DLX1: variants seen among roughly 807,000 people sequenced by gnomAD.
DLX1 encodes homeobox protein DLX-1.
In DLX1, 7 loss-of-function variants were observed where a neutral mutation model predicts 25.0. The observed-to-expected ratio is 0.28, with a 90% CI of 0.16 to 0.52. The LOEUF (loss-of-function observed/expected upper bound fraction) is 0.52, where lower values mean the gene tolerates loss of function less well. Among genes scored for constraint, DLX1 ranks in the 20% least tolerant of loss-of-function variants. The probability of loss-of-function intolerance (pLI) is 0.96; values close to 1 mark genes in which losing one functional copy is unlikely to be tolerated. For missense variants in DLX1, 233 were observed against 334.4 expected (o/e 0.70, Z 2.37); for synonymous variants, 155 against 140.3 (o/e 1.10, Z -0.74).
At position 172,085,553 on chromosome 2, in the gene DLX1, T is replaced by C; in HGVS notation, c.-125T>C. The C allele has an allele frequency of 2.0e-6, 2 of 993,298 alleles. No homozygotes were observed. Among genetic ancestry groups the C allele is most frequent in the South Asian group, 1.6e-5 (1 of 62,348 alleles). The allele number at this position is 993,298 out of a possible 1,614,324, so 61.5% of individuals were successfully genotyped here. On this transcript the variant is annotated 5_prime_UTR_variant, in exon 1 of 3. Transcript: ENST00000361725. The surrounding 1 kb of genome is among the most constrained non-coding windows in gnomAD (Gnocchi z 4.3). Reference sequence around the variant, plus strand: ...TTCAAAGAGACAAACTCCATTTTCTTATGAATGGAAAGTGAAAACCCCTGT... The same window carrying C: ...TTCAAAGAGACAAACTCCATTTTCTCATGAATGGAAAGTGAAAACCCCTGT...
At chr2:172,086,234 C>T in intron 1 of DLX1, 2 of 559,622 alleles carry the variant, frequency 3.6e-6, no homozygotes, top group Non-Finnish European at 6.2e-6. Flanking sequence ...GGATAAATCC[C>T]AGAGCGTCTC....
chr2:172,086,087 A>G, intron 1 of DLX1, 97 bp downstream of exon 1: 1 of 335,734 alleles, frequency 3.0e-6, no homozygotes, highest in East Asian at 1.3e-4. Flanking sequence ...AGAGAGAAAG[A>G]GAAGAGAGGA....
Position 172,085,623 on chromosome 2 carries a change from C to T in DLX1, c.-55C>T. On this transcript the variant is annotated 5_prime_UTR_variant, in exon 1 of 3. Transcript: ENST00000361725. This position sits in a 1 kb window ranked among gnomAD's most constrained non-coding sequence, Gnocchi z 4.3. ...TTCCTGTCCTGAGAAACATAGAGAC[C>T]CCCAAAAGGGAAGCAGAGGAGAGAA... The T allele has an allele frequency of 1.3e-6, 2 of 1,550,504 alleles. No homozygotes were observed. Among genetic ancestry groups the T allele is most frequent in the South Asian group, 1.2e-5 (1 of 80,922 alleles).
Position 172,089,460 on chromosome 2 carries a change from G to A in DLX1, c.*1203G>A, listed in dbSNP as rs1194630040. 1 of 152,586 alleles carries A rather than the reference G, an allele frequency of 6.6e-6. No homozygotes were observed. The highest frequency in any genetic ancestry group is 1.9e-4 in the East Asian group (1 of 5,204). 9.5% of individuals were successfully genotyped at this position (152,586 alleles called of 1,614,324 possible). The stretch of plus-strand genomic sequence containing the variant: ...TTTTTGCGTTCTGTTGTGTGTGGCT[G>A]TAAAACCCCATGCTTTGTGAAATGA... On this transcript the variant is annotated 3_prime_UTR_variant, in exon 3 of 3. Coordinates refer to ENST00000361725, the MANE Select transcript of DLX1 (RefSeq NM_178120.5).
At chr2:172,087,595 C>T (rs1440086948) in intron 2 of DLX1, 1 of 474,152 alleles carries the variant, frequency 2.1e-6, no homozygotes, top group South Asian at 1.5e-5. Context: ...AATAAATTTC[C>T]TCCACTCCTT....
intron 1 of DLX1, 88 bp downstream of exon 1, chr2:172,086,078 G>A: frequency 6.5e-6 from 4 of 618,332 alleles, no homozygotes; most frequent in Non-Finnish European, 9.4e-6. Context: ...GAGGGAGAGA[G>A]AGAGAAAGAG....
At position 172,085,979 on chromosome 2, in the gene DLX1, T is replaced by C; in HGVS notation, c.302T>C (p.Leu101Pro). ...AGCGCCAGCCTCGCCCAGAGCCGCC[T>C]GGAGGACCCAGGTACGTGCGCTTGC... ...PGSASLAQSRLEDPGADSEKS... is the reference protein window; with the variant it reads ...PGSASLAQSRPEDPGADSEKS... The change falls in exon 1 of 3, where the codon CTG becomes CCG. Residue 101 changes from leucine to proline, a missense_variant. By Grantham distance (98) the Leu-to-Pro change is moderately conservative. Around this residue, in one of 3 missense-constraint regions of DLX1, gnomAD observed 126 missense variants for 170.4 expected, o/e 0.74. Coordinates refer to ENST00000361725, the MANE Select transcript of DLX1 (RefSeq NM_178120.5). This position sits in a 1 kb window ranked among gnomAD's most constrained non-coding sequence, Gnocchi z 4.3. 6.2e-7 allele frequency: 1 copy of C among 1,612,228 alleles called. No homozygotes were observed. The highest frequency in any genetic ancestry group is 8.5e-7 in the Non-Finnish European group (1 of 1,179,010).
rs1690919660 is a variant in DLX1 at position 172,089,002 on chromosome 2, T to TA, written c.*746dup. 6.6e-6 allele frequency: 1 copy of TA among 152,366 alleles called. No individual in the cohort carries two copies. The highest frequency in any genetic ancestry group is 2.4e-5 in the African/African-American group (1 of 41,582). The allele number at this position is 152,366 out of a possible 1,614,324, so 9.4% of individuals were successfully genotyped here. A position where few individuals can be genotyped will look rare whatever the true frequency, so the allele number is the denominator to read the frequency against. ...TTTTTAATTTATACAGTAACTTTTGTACTTCTCTGGTATGGAGAGTTTGGA... is the reference window on the plus strand; with the variant it reads ...TTTTTAATTTATACAGTAACTTTTGTAACTTCTCTGGTATGGAGAGTTTGGA... On this transcript the variant is annotated 3_prime_UTR_variant, in exon 3 of 3. Coordinates refer to ENST00000361725, the MANE Select transcript of DLX1 (RefSeq NM_178120.5).
chr2:172,087,934 T>C, intron 2 of DLX1, 69 bp from the exon 3 acceptor site: 2 of 1,503,622 alleles, frequency 1.3e-6, no homozygotes. Flanking sequence ...GCGGTCCCTT[T>C]TTTCCTCCCT....
rs755452975 is a variant in DLX1 at position 172,088,203 on chromosome 2, A to G, written c.714A>G (p.Thr238=). 13 of 1,598,190 alleles carry G rather than the reference A, an allele frequency of 8.1e-6. No individual in the cohort carries two copies. The highest frequency in any genetic ancestry group is 1.7e-5 in the Admixed American group (1 of 58,056). The part of the protein sequence containing the change: ...GNAGSYIPSY[T]SWYPSAHQEA... ...CGGGCTCCTATATCCCCAGCTACAC[A>G]TCGTGGTACCCTTCAGCGCACCAAG... The change falls in exon 3 of 3, where the codon ACA becomes ACG. Residue 238 remains threonine (T), a synonymous_variant. Coordinates refer to ENST00000361725, the MANE Select transcript of DLX1 (RefSeq NM_178120.5).
In DLX1 at chr2:172,085,594, T is replaced by A; in HGVS notation, c.-84T>A. 1 of 1,413,112 alleles carries A rather than the reference T, an allele frequency of 7.1e-7. No homozygotes were observed. The allele number at this position is 1,413,112 out of a possible 1,614,324, so 87.5% of individuals were successfully genotyped here. The stretch of plus-strand genomic sequence containing the variant: ...AAACCCCTGTTCCGCTTAAATTGGG[T>A]TCCTTCCTGTCCTGAGAAACATAGA... On this transcript the variant is annotated 5_prime_UTR_variant, in exon 1 of 3. Coordinates refer to ENST00000361725, the MANE Select transcript of DLX1 (RefSeq NM_178120.5). This position sits in a 1 kb window ranked among gnomAD's most constrained non-coding sequence, Gnocchi z 4.3.
Position 172,085,929 on chromosome 2 carries a change from C to A in DLX1, c.252C>A (p.Ile84=), listed in dbSNP as rs1214072226. The change falls in exon 1 of 3, where the codon ATC becomes ATA. Residue 84 remains isoleucine (I), a synonymous_variant. Transcript: ENST00000361725. The surrounding 1 kb of genome is among the most constrained non-coding windows in gnomAD (Gnocchi z 4.3). ...SVSSHASSPY[I]SSVQSYPGSA... Reference sequence around the variant, plus strand: ...GCAGCCACGCATCCAGCCCCTACATCAGTTCGGTGCAGTCCTACCCGGGCA... The same window carrying A: ...GCAGCCACGCATCCAGCCCCTACATAAGTTCGGTGCAGTCCTACCCGGGCA... The A allele has an allele frequency of 6.2e-7, 1 of 1,614,170 alleles. No homozygotes were observed. The highest frequency in any genetic ancestry group is 8.5e-7 in the Non-Finnish European group (1 of 1,180,024).
At chr2:172,087,402 G>A (rs1200139930) in intron 2 of DLX1, 1 of 412,098 alleles carries the variant, frequency 2.4e-6, no homozygotes, top group African/African-American at 2.1e-5. Context: ...TCCTGACGGC[G>A]GCGGGCGCGG....
chr2:172,086,520 G>A (rs1187139222), intron 1 of DLX1, 134 bp from the exon 2 acceptor site: 1 of 896,434 alleles, frequency 1.1e-6, no homozygotes, highest in African/African-American at 1.7e-5. Context: ...CCCTTCCCTG[G>A]CTTTCAGAGT....
intron 1 of DLX1, 169 bp from the exon 2 acceptor site, chr2:172,086,485 G>A (rs1164587786): frequency 3.0e-5 from 19 of 640,582 alleles, no homozygotes; most frequent in Non-Finnish European, 4.4e-5. Context: ...CAGCGTCCCG[G>A]GACAGGCCCT....
intron 1 of DLX1, chr2:172,086,357 CG>C (rs1436555890): frequency 2.1e-6 from 1 of 472,760 alleles, no homozygotes; most frequent in African/African-American, 2.0e-5. Context: ...TATTGCGTAG[CG>C]CTATAAACAA....
In DLX1 at chr2:172,085,662, G is replaced by A; in HGVS notation, c.-16G>A. On this transcript the variant is annotated 5_prime_UTR_variant, in exon 1 of 3. Coordinates refer to ENST00000361725, the MANE Select transcript of DLX1 (RefSeq NM_178120.5). The surrounding 1 kb of genome is among the most constrained non-coding windows in gnomAD (Gnocchi z 4.3). ...CAGAGGAGAGAAAGTCCCACACCCAGACCCCGCGAGAAGAGATGACCATGA... is the reference window on the plus strand; with the variant it reads ...CAGAGGAGAGAAAGTCCCACACCCAAACCCCGCGAGAAGAGATGACCATGA... The A allele has an allele frequency of 6.2e-7, 1 of 1,606,674 alleles. No individual in the cohort carries two copies. Among genetic ancestry groups the A allele is most frequent in the Non-Finnish European group, 8.5e-7 (1 of 1,176,212 alleles).
In DLX1 at chr2:172,089,384, ATTATTATTG is replaced by A. The variant is rs1690931153; in HGVS notation, c.*1139_*1147del. 6.6e-6 allele frequency: 1 copy of A among 150,974 alleles called. No homozygotes were observed. The highest frequency in any genetic ancestry group is 2.5e-5 in the African/African-American group (1 of 40,022). 9.4% of individuals were successfully genotyped at this position (150,974 alleles called of 1,614,324 possible). Reference sequence around the variant, plus strand: ...AATGACTGTACATATTATTGTTATTATTATTATTGTTATTATTGTTGTTCTGTAAACATG... The same window carrying A: ...AATGACTGTACATATTATTGTTATTATTATTATTGTTGTTCTGTAAACATG... On this transcript the variant is annotated 3_prime_UTR_variant, in exon 3 of 3. Coordinates refer to ENST00000361725, the MANE Select transcript of DLX1 (RefSeq NM_178120.5).
chr2:172,087,362 T>C (rs1348597283), intron 2 of DLX1: 1 of 373,854 alleles, frequency 2.7e-6, no homozygotes, highest in Non-Finnish European at 5.2e-6. Flanking sequence ...TTCCCGGCTT[T>C]CTGTAAGACT....
Sources: gnomAD v4.1 joint callset for allele counts on GRCh38, gnomAD v4.1.1 for gene constraint, gnomAD v4.1.1 regional missense constraint, Gnocchi (gnomAD v3.1) non-coding constraint, MANE v1.5 for transcripts, NCBI Gene and HGNC (gene_info 2026-07-23, HGNC 2026-07-21) for gene names.